Variants in EPHB1 observed in about 807,000 individuals in gnomAD.
The protein encoded by EPHB1 is EPH receptor B1, also known as ephrin type-B receptor 1.
Under a neutral mutation model 94.4 loss-of-function variants are expected in EPHB1, and 30 were observed. That is an observed-to-expected ratio of 0.32 (90% confidence interval 0.24 to 0.43). The LOEUF is 0.43. EPHB1 is among the 20% of genes least tolerant of loss of function. The pLI, the probability that EPHB1 is intolerant of heterozygous loss-of-function variation, is 1.00. For missense variants in EPHB1, 1,055 were observed against 1,308.3 expected (o/e 0.81, Z 2.99); for synonymous variants, 522 against 489.1 (o/e 1.07, Z -0.89).
intron 12 of EPHB1, among the ~76,000 whole-genome samples, chr3:135,215,363 A>C (rs1943124489): frequency 6.6e-6 from 1 of 152,040 alleles, no homozygotes. Context: ...GGGTTTCTCC[A>C]TGTTGGTCAG....
intron 3 of EPHB1, among the ~76,000 whole-genome samples, chr3:135,061,228 C>T (rs953602630): frequency 6.6e-6 from 1 of 152,146 alleles, no homozygotes; most frequent in Non-Finnish European, 1.5e-5. Flanking sequence ...GCACCCATCA[C>T]CTGAGCAGTA....
chr3:134,899,733 G>A (rs949692160), intron 1 of EPHB1, among the ~76,000 whole-genome samples: 2 of 152,160 alleles, frequency 1.3e-5, no homozygotes, highest in Non-Finnish European at 2.9e-5. Flanking sequence ...TGACTGCAAT[G>A]GCATGATCAT....
chr3:134,894,885 G>C (rs1223499850), intron 1 of EPHB1, among the ~76,000 whole-genome samples: 1 of 152,168 alleles, frequency 6.6e-6, no homozygotes, highest in African/African-American at 2.4e-5. Flanking sequence ...TTTTTCTGTG[G>C]TTTCTCTTTT....
At chr3:134,968,607 CTTCTT>C (rs1373680578) in intron 3 of EPHB1, among the ~76,000 whole-genome samples, 1 of 152,090 alleles carries the variant, frequency 6.6e-6, no homozygotes, top group Non-Finnish European at 1.5e-5. Context: ...GAAAATTTGA[CTTCTT>C]AACTTATTTA....
intron 3 of EPHB1, among the ~76,000 whole-genome samples, chr3:135,076,239 A>ATATATATATATATG (rs1937910103): frequency 3.1e-5 from 1 of 32,346 alleles, no homozygotes; most frequent in African/African-American, 6.0e-5. Context: ...AAAGGGATAT[A>ATATATATATATATG]TATATATATA....
Position 134,948,337 on chromosome 3 carries a change from A to AG in EPHB1, c.124-3034_124-3033insG, listed in dbSNP as rs2039254170. Among the ~76,000 whole-genome samples the AG allele has an allele frequency of 2.0e-5, 3 of 151,946 alleles. No homozygotes were observed. The South Asian group carries it at 6.3e-4, about 32-fold the overall frequency. On this transcript the variant is annotated intron_variant, in intron 2 of 15. Transcript: ENST00000398015. The stretch of plus-strand genomic sequence containing the variant: ...CAACAATAGCAGAACAGTAAAAAAA[A>AG]AAAAAAATTTCCTTTCCTCAAGTCA...
intron 3 of EPHB1, among the ~76,000 whole-genome samples, chr3:135,062,391 G>A (rs956792866): frequency 1.4e-4 from 21 of 152,150 alleles, no homozygotes; most frequent in Admixed American, 1.3e-3. Context: ...ATTATTGCAG[G>A]AGTAAAGTGG....
chr3:134,910,652 G>A (rs562254077), intron 1 of EPHB1, among the ~76,000 whole-genome samples: 1 of 152,220 alleles, frequency 6.6e-6, no homozygotes, highest in Non-Finnish European at 1.5e-5. Context: ...GGGTAGAATG[G>A]CAAAAGGTTC....
chr3:134,870,013 A>G (rs560835032), intron 1 of EPHB1, among the ~76,000 whole-genome samples: 1 of 152,336 alleles, frequency 6.6e-6, no homozygotes, highest in East Asian at 1.9e-4. Context: ...GGGTCTGTGC[A>G]TTTTACAGAG....
At chr3:135,195,207 T>G (rs1013526205) in intron 11 of EPHB1, among the ~76,000 whole-genome samples, 9 of 151,974 alleles carry the variant, frequency 5.9e-5, no homozygotes, top group Non-Finnish European at 1.3e-4. Flanking sequence ...AGTCACTGCT[T>G]GATTTGGGGA....
At chr3:134,920,011 T>C (rs1371860438) in intron 1 of EPHB1, among the ~76,000 whole-genome samples, 1 of 152,080 alleles carries the variant, frequency 6.6e-6, no homozygotes, top group Non-Finnish European at 1.5e-5. Flanking sequence ...TTTTATTCCA[T>C]GCTCACATTG....
chr3:134,870,865 G>T (rs1435809892), intron 1 of EPHB1, among the ~76,000 whole-genome samples: 1 of 152,214 alleles, frequency 6.6e-6, no homozygotes, highest in African/African-American at 2.4e-5. Context: ...GGAAATTGAG[G>T]CTCACAGAAG....
intron 3 of EPHB1, among the ~76,000 whole-genome samples, chr3:134,987,118 T>C (rs1010158318): frequency 1.3e-5 from 2 of 152,178 alleles, no homozygotes; most frequent in African/African-American, 4.8e-5. Flanking sequence ...AATGTTAGCC[T>C]ATCATGCCTA....
intron 1 of EPHB1, among the ~76,000 whole-genome samples, chr3:134,916,642 C>T (rs545287268): frequency 3.2e-4 from 48 of 152,206 alleles, no homozygotes; most frequent in Non-Finnish European, 5.6e-4. Flanking sequence ...CGCGGCCAGC[C>T]GGCAGCTCTG....
At chr3:135,160,247 A>T (rs1941469354) in intron 6 of EPHB1, among the ~76,000 whole-genome samples, 1 of 152,266 alleles carries the variant, frequency 6.6e-6, no homozygotes, top group Non-Finnish European at 1.5e-5. Context: ...AGGAATGAGT[A>T]AATAAATACA....
chr3:135,085,598 GAT>G (rs1299223091), intron 3 of EPHB1, among the ~76,000 whole-genome samples: 1 of 152,208 alleles, frequency 6.6e-6, no homozygotes, highest in Non-Finnish European at 1.5e-5. Context: ...TCTGGACAAA[GAT>G]AGCATCACAA....
intron 3 of EPHB1, among the ~76,000 whole-genome samples, chr3:135,045,288 AAAAG>A (rs1206747811): frequency 6.6e-6 from 1 of 152,234 alleles, no homozygotes; most frequent in African/African-American, 2.4e-5. Context: ...AAGAAAAAGA[AAAAG>A]AAAGCAAATT....
intron 15 of EPHB1, among the ~76,000 whole-genome samples, chr3:135,258,676 T>A (rs1933519477): frequency 6.6e-6 from 1 of 152,072 alleles, no homozygotes; most frequent in African/African-American, 2.4e-5. Context: ...AGTGTGCACT[T>A]GGAGTGTTAA....
chr3:134,908,807 G>T (rs765111005), intron 1 of EPHB1, among the ~76,000 whole-genome samples: 72 of 152,280 alleles, frequency 4.7e-4, no homozygotes, highest in Non-Finnish European at 2.4e-4. Context: ...CAGCATGGAA[G>T]AGGAGCTTCT....
Sources: allele counts gnomAD v4.1 joint callset (sites outside exome capture counted in the v4.1 genomes callset), GRCh38; gene constraint gnomAD v4.1.1; transcripts MANE v1.5; gene names NCBI Gene and HGNC (gene_info 2026-07-23, HGNC 2026-07-21).